SLC25A16: variants seen among roughly 807,000 people sequenced by gnomAD.
The protein encoded by SLC25A16 is solute carrier family 25 member 16, also known as mitochondrial coenzyme A transporter SLC25A16.
A neutral mutation model predicts 41.5 loss-of-function variants in SLC25A16; 39 were observed. That is an observed-to-expected ratio of 0.94 (90% CI 0.73 to 1.23). The LOEUF is 1.23. SLC25A16 is among the 50% of genes most tolerant of loss of function. SLC25A16 has a pLI of 0.00. For missense variants in SLC25A16, 421 were observed against 426.9 expected, an observed-to-expected ratio of 0.99 and a Z score of 0.12; for synonymous variants, 146 against 147.8, an observed-to-expected ratio of 0.99 and a Z score of 0.09.
At chr10:68,521,625 G>C (rs1408702562) in intron 1 of SLC25A16, among the ~76,000 whole-genome samples, 9 of 134,912 alleles carry the variant, frequency 6.7e-5, no homozygotes, top group Admixed American at 5.8e-4. Flanking sequence ...ACGGAGTCTC[G>C]CTCTGTCGCC....
intron 6 of SLC25A16, among the ~76,000 whole-genome samples, chr10:68,491,972 G>T (rs1405483984): frequency 1.3e-5 from 2 of 152,006 alleles, no homozygotes; most frequent in Non-Finnish European, 2.9e-5. Flanking sequence ...GGGATTACAG[G>T]CACACGCCAC....
intron 6 of SLC25A16, 57 bp downstream of exon 6, chr10:68,493,075 A>C: frequency 9.8e-7 from 1 of 1,017,306 alleles, no homozygotes. Context: ...GAAAAAAAAA[A>C]AAAAGGTAAC....
chr10:68,493,313 C>G, intron 5 of SLC25A16, 115 bp from the exon 6 acceptor site: 1 of 1,127,792 alleles, frequency 8.9e-7, no homozygotes, highest in Non-Finnish European at 1.3e-6. Flanking sequence ...CCCTGAAACA[C>G]AAAGATGTGT....
intron 2 of SLC25A16, among the ~76,000 whole-genome samples, chr10:68,508,297 AATGT>A (rs1463138159): frequency 6.6e-6 from 1 of 151,964 alleles, no homozygotes; most frequent in East Asian, 1.9e-4. Context: ...TAAAAAGTAA[AATGT>A]ATGACTATAA....
chr10:68,527,335 T>A lies in SLC25A16; in HGVS notation c.41A>T (p.Asp14Val). The change falls in exon 1 of 9, where the codon GAT becomes GTT. Residue 14 changes from aspartate (D) to valine (V), a missense_variant. Physicochemically the swap from Asp to Val is radical, Grantham distance 152. Coordinates refer to ENST00000609923, the MANE Select transcript of SLC25A16 (RefSeq NM_152707.4). The stretch of plus-strand genomic sequence containing the variant: ...CGCCTGCGGCATTGCGGGAGGGGGA[T>A]CGGCCGCCGCCAGGGCTGCCGCGGC... ...ATAAAALAAA[D>V]PPPAMPQAAG... 6.5e-7 allele frequency: 1 copy of A among 1,533,714 alleles called. No individual in the cohort carries two copies. The highest frequency in any genetic ancestry group is 1.2e-5 in the South Asian group (1 of 83,038).
intron 2 of SLC25A16, among the ~76,000 whole-genome samples, chr10:68,508,355 G>A (rs927797619): frequency 1.8e-4 from 26 of 146,882 alleles, no homozygotes; most frequent in Admixed American, 9.7e-4. Context: ...TCAATTCATC[G>A]AGAGAACAGA....
At chr10:68,495,118 T>A (rs1212614911) in intron 4 of SLC25A16, among the ~76,000 whole-genome samples, 1 of 151,808 alleles carries the variant, frequency 6.6e-6, no homozygotes, top group African/African-American at 2.4e-5. Flanking sequence ...TTCGTATTTA[T>A]TTAAAAAATA....
chr10:68,505,498 G>A (rs548665123), intron 3 of SLC25A16, among the ~76,000 whole-genome samples: 19 of 152,256 alleles, frequency 1.2e-4, no homozygotes, highest in African/African-American at 4.6e-4. Context: ...TACTTGGCCG[G>A]GTGCAGTGGC....
chr10:68,513,921 G>C (rs966529164), intron 2 of SLC25A16, among the ~76,000 whole-genome samples: 1 of 152,112 alleles, frequency 6.6e-6, no homozygotes, highest in Admixed American at 6.6e-5. Flanking sequence ...TTTTGGCCGG[G>C]AGCAGTGGCT....
chr10:68,511,708 T>C (rs963857853), intron 2 of SLC25A16, among the ~76,000 whole-genome samples: 2 of 152,132 alleles, frequency 1.3e-5, no homozygotes, highest in Admixed American at 1.3e-4. Flanking sequence ...CCTTTCTTTT[T>C]TGGAGACAGA....
intron 2 of SLC25A16, among the ~76,000 whole-genome samples, chr10:68,514,344 A>C (rs991133833): frequency 1.3e-5 from 2 of 151,984 alleles, no homozygotes; most frequent in Admixed American, 6.6e-5. Context: ...AAAAATACAA[A>C]AATTAGCCGG....
At position 68,527,325 on chromosome 10, in the gene SLC25A16, G is replaced by A. The variant is rs2053354161; in HGVS notation, c.51C>T (p.Pro17=). The change falls in exon 1 of 9, where the codon CCC becomes CCT. Residue 17 remains proline, a synonymous_variant. Coordinates refer to ENST00000609923, the MANE Select transcript of SLC25A16 (RefSeq NM_152707.4). ...AAALAAADPP[P]AMPQAAGAGG... ...CGGCCCCTGCCGCCTGCGGCATTGCGGGAGGGGGATCGGCCGCCGCCAGGG... is the reference window on the plus strand; with the variant it reads ...CGGCCCCTGCCGCCTGCGGCATTGCAGGAGGGGGATCGGCCGCCGCCAGGG... The A allele has an allele frequency of 3.2e-6, 5 of 1,540,098 alleles. No individual in the cohort carries two copies. Among genetic ancestry groups the A allele is most frequent in the Non-Finnish European group, 4.4e-6 (5 of 1,143,318 alleles).
intron 7 of SLC25A16, among the ~76,000 whole-genome samples, chr10:68,487,996 G>T (rs1564909780): frequency 6.6e-6 from 1 of 152,062 alleles, no homozygotes; most frequent in Non-Finnish European, 1.5e-5. Context: ...GGGATTACAG[G>T]TGGCTGCCAC....
At chr10:68,492,712 A>G (rs1449911017) in intron 6 of SLC25A16, among the ~76,000 whole-genome samples, 1 of 152,118 alleles carries the variant, frequency 6.6e-6, no homozygotes, top group Non-Finnish European at 1.5e-5. Flanking sequence ...GACTGTAAAC[A>G]AGGTAATAAA....
At chr10:68,505,653 G>T (rs1192628811) in intron 3 of SLC25A16, among the ~76,000 whole-genome samples, 1 of 151,920 alleles carries the variant, frequency 6.6e-6, no homozygotes, top group East Asian at 1.9e-4. Context: ...ATGCCTGTAA[G>T]AATCTGGGAG....
chr10:68,505,551 A>C, intron 3 of SLC25A16, among the ~76,000 whole-genome samples: 1 of 139,716 alleles, frequency 7.2e-6, no homozygotes, highest in African/African-American at 2.8e-5. Context: ...AGGTGGGCAG[A>C]TCACCTGAAT....
At chr10:68,505,415 A>G (rs748167265) in intron 3 of SLC25A16, among the ~76,000 whole-genome samples, 5 of 152,114 alleles carry the variant, frequency 3.3e-5, no homozygotes, top group Non-Finnish European at 7.3e-5. Flanking sequence ...ATATATTAAT[A>G]TTATATGGAT....
chr10:68,497,686 A>G (rs4364950), intron 4 of SLC25A16, among the ~76,000 whole-genome samples: 36,392 of 148,418 alleles, frequency 0.25, 5,098 homozygotes, highest in Admixed American at 0.36. Flanking sequence ...ATGTGATCTC[A>G]GCTCATTGAA....
intron 6 of SLC25A16, 111 bp downstream of exon 6, chr10:68,493,021 T>C: frequency 1.5e-6 from 1 of 685,084 alleles, no homozygotes; most frequent in East Asian, 2.7e-5. Flanking sequence ...TCATTTCTTA[T>C]TAAAAGTACT....
Sources: gnomAD v4.1 joint callset for allele counts (sites outside exome capture counted in the v4.1 genomes callset) on GRCh38, gnomAD v4.1.1 for gene constraint, MANE v1.5 for transcripts, NCBI Gene and HGNC (gene_info 2026-07-23, HGNC 2026-07-21) for gene names.